Variants in DAB1 observed in about 807,000 individuals in gnomAD.
DAB1 encodes disabled homolog 1.
In DAB1, 15 loss-of-function variants were observed where a neutral mutation model predicts 64.6. The observed-to-expected ratio is 0.23, with a 90% CI of 0.16 to 0.36. The LOEUF is 0.36. DAB1 is among the 10% of genes least tolerant of loss of function. The pLI, the probability that DAB1 is intolerant of heterozygous loss-of-function variation, is 1.00. For missense variants in DAB1, 596 were observed against 706.7 expected, an observed-to-expected ratio of 0.84 and a Z score of 1.78; for synonymous variants, 235 against 251.9, an observed-to-expected ratio of 0.93 and a Z score of 0.64.
chr1:58,138,644 AC>A (rs1408037346), intron 5 of DAB1, among the ~76,000 whole-genome samples: 1 of 152,214 alleles, frequency 6.6e-6, no homozygotes, highest in Admixed American at 6.5e-5. Flanking sequence ...ATGAGGAGCC[AC>A]TAAAGGTTTC....
At chr1:57,945,880 A>G (rs1645177048) in intron 5 of DAB1, among the ~76,000 whole-genome samples, 2 of 152,212 alleles carry the variant, frequency 1.3e-5, no homozygotes, top group South Asian at 4.1e-4. Context: ...GGCCCAGCAC[A>G]TGGTTGACAC....
At chr1:57,198,649 TCACACACACACACACACA>T (rs57872654) in intron 2 of DAB1, among the ~76,000 whole-genome samples, 1 of 128,262 alleles carries the variant, frequency 7.8e-6, no homozygotes, top group Non-Finnish European at 1.7e-5. Flanking sequence ...CTTCTCTCTC[TCACACACACACACACACA>T]CACACACACA....
chr1:57,383,378 T>C (rs1476130730), intron 1 of DAB1, among the ~76,000 whole-genome samples: 1 of 152,172 alleles, frequency 6.6e-6, no homozygotes, highest in Non-Finnish European at 1.5e-5. Flanking sequence ...CTTTGTAGCA[T>C]AATGAAGAGC....
chr1:57,916,515 G>T (rs147319853), intron 5 of DAB1, among the ~76,000 whole-genome samples: 1 of 152,214 alleles, frequency 6.6e-6, no homozygotes, highest in African/African-American at 2.4e-5. Flanking sequence ...AACATGGTTG[G>T]AGTGCTCACT....
intron 7 of DAB1, among the ~76,000 whole-genome samples, chr1:57,600,099 G>C (rs1468611375): frequency 6.6e-6 from 1 of 152,052 alleles, no homozygotes; most frequent in African/African-American, 2.4e-5. Context: ...CCATGTCTCT[G>C]TGCCCCCTTA....
At position 57,459,713 on chromosome 1, in the gene DAB1, A is replaced by C. The variant is rs114519246; in HGVS notation, n.626-168547T>G. On this transcript the variant is annotated intron_variant and non_coding_transcript_variant, in intron 7 of 20. Coordinates refer to the DAB1 transcript ENST00000485760. ...AGATCCACGATCCAAAGCAAATTAC[A>C]TAGAACAAAGATTAAACTTAGATCC... Among the ~76,000 whole-genome samples, 460 of 152,332 alleles carry C rather than the reference A, an allele frequency of 3.0e-3. 3 individuals carry two copies. The highest frequency in any genetic ancestry group is 0.011 in the African/African-American group (444 of 41,574).
chr1:58,205,983 C>A (rs1417246592), intron 4 of DAB1, among the ~76,000 whole-genome samples: 1 of 151,854 alleles, frequency 6.6e-6, no homozygotes, highest in Non-Finnish European at 1.5e-5. Context: ...TTTTTTTAAT[C>A]ATTATGGTTT....
intron 10 of DAB1, 34 bp from the exon 11 acceptor site, chr1:57,023,673 A>AC: frequency 1.4e-6 from 2 of 1,409,424 alleles, no homozygotes; most frequent in Non-Finnish European, 2.0e-6. Flanking sequence ...GACACATGAG[A>AC]CCTGGCTTAG....
intron 2 of DAB1, among the ~76,000 whole-genome samples, chr1:57,275,141 AG>A (rs2100606486): frequency 6.6e-6 from 1 of 152,148 alleles, no homozygotes; most frequent in East Asian, 2.0e-4. Flanking sequence ...AAAAGGATAG[AG>A]AGAAAAAGAG....
In DAB1 at chr1:57,977,411, T is replaced by C. The variant is rs576783500; in HGVS notation, n.388-93249A>G. Among the ~76,000 whole-genome samples the C allele has an allele frequency of 6.2e-4, 95 of 152,318 alleles. 1 individual carries two copies. Among genetic ancestry groups the C allele is most frequent in the Non-Finnish European group, 1.5e-4 (10 of 68,036 alleles). Reference sequence around the variant, plus strand: ...AAGAAAATAATAGACTGACTTCATTTGTTTCCTTCAATTTGGGGCCAGGAA... The same window carrying C: ...AAGAAAATAATAGACTGACTTCATTCGTTTCCTTCAATTTGGGGCCAGGAA... On this transcript the variant is annotated intron_variant and non_coding_transcript_variant, in intron 5 of 20. Coordinates refer to the DAB1 transcript ENST00000485760.
At chr1:58,324,625 A>G (rs1662778212) in intron 4 of DAB1, among the ~76,000 whole-genome samples, 1 of 152,058 alleles carries the variant, frequency 6.6e-6, no homozygotes, top group Admixed American at 6.5e-5. Context: ...AACAATTTCA[A>G]CCCAAAGTGT....
intron 7 of DAB1, among the ~76,000 whole-genome samples, chr1:57,524,994 AT>A (rs1337528777): frequency 6.6e-6 from 1 of 152,236 alleles, no homozygotes; most frequent in Non-Finnish European, 1.5e-5. Context: ...ATGAAACACT[AT>A]TTAGAGAAAA....
chr1:57,566,460 C>G (rs1321154329), intron 7 of DAB1, among the ~76,000 whole-genome samples: 5 of 152,056 alleles, frequency 3.3e-5, no homozygotes, highest in African/African-American at 1.2e-4. Flanking sequence ...ACACAAAAAA[C>G]CCTTCAAAAA....
intron 4 of DAB1, among the ~76,000 whole-genome samples, chr1:58,152,579 C>T (rs1282248723): frequency 6.6e-6 from 1 of 152,194 alleles, no homozygotes. Context: ...AGAATGATGC[C>T]TGTCACACAA....
At chr1:57,962,464 G>GA (rs1281237072) in intron 5 of DAB1, among the ~76,000 whole-genome samples, 3 of 151,936 alleles carry the variant, frequency 2.0e-5, no homozygotes, top group Admixed American at 1.3e-4. Context: ...TCACCACTTA[G>GA]AAAAAAACTT....
chr1:57,375,246 T>C (rs1680804012), intron 1 of DAB1, among the ~76,000 whole-genome samples: 1 of 152,114 alleles, frequency 6.6e-6, no homozygotes, highest in Admixed American at 6.6e-5. Flanking sequence ...GAGTTCTTAG[T>C]ATTAAGCTAA....
At chr1:58,345,301 C>T (rs554591196) in intron 3 of DAB1, among the ~76,000 whole-genome samples, 1 of 152,288 alleles carries the variant, frequency 6.6e-6, no homozygotes, top group African/African-American at 2.4e-5. Flanking sequence ...CACCCCCATG[C>T]CACCAATAAC....
intron 3 of DAB1, among the ~76,000 whole-genome samples, chr1:58,426,066 G>A (rs925121159): frequency 6.6e-5 from 10 of 152,338 alleles, no homozygotes; most frequent in African/African-American, 2.4e-4. Context: ...AAGTTTGCAA[G>A]GCACTTTGCC....
chr1:57,603,169 C>G (rs545704763), intron 7 of DAB1, among the ~76,000 whole-genome samples: 66 of 152,244 alleles, frequency 4.3e-4, no homozygotes, highest in African/African-American at 1.4e-3. Flanking sequence ...AGGGGGGTTT[C>G]TCCATGTTGG....
Sources: allele counts gnomAD v4.1 joint callset (sites outside exome capture counted in the v4.1 genomes callset), GRCh38; gene constraint gnomAD v4.1.1; transcripts MANE v1.5; gene names NCBI Gene and HGNC (gene_info 2026-07-23, HGNC 2026-07-21).